TRDN: variants seen among roughly 807,000 people sequenced by gnomAD.
TRDN encodes the protein triadin in skeletal muscle.
A neutral mutation model predicts 149.7 loss-of-function variants in TRDN; 161 were observed. The ratio of observed to expected loss-of-function variants is 1.08; its 90% confidence interval spans 0.95 to 1.23. The LOEUF is 1.23. Ranked by LOEUF, TRDN falls within the 50% of genes most tolerant of loss-of-function variation. The pLI is 0.00. For missense variants in TRDN, 896 were observed against 823.5 expected, an observed-to-expected ratio of 1.09 and a Z score of -1.08; for synonymous variants, 294 against 250.5, an observed-to-expected ratio of 1.17 and a Z score of -1.64.
chr6:123,557,699 G>T (rs1423338922), intron 2 of TRDN, among the ~76,000 whole-genome samples: 1 of 152,082 alleles, frequency 6.6e-6, no homozygotes, highest in East Asian at 2.0e-4. Context: ...CGCCTGTCTT[G>T]GTCCTTCACC....
At chr6:123,280,607 G>A (rs1777546007) in intron 24 of TRDN, among the ~76,000 whole-genome samples, 1 of 147,032 alleles carries the variant, frequency 6.8e-6, no homozygotes, top group Admixed American at 6.8e-5. Context: ...CATCATCAGG[G>A]TTTAGTCCCC....
intron 5 of TRDN, chr6:123,528,609 C>G: frequency 1.0e-6 from 1 of 981,798 alleles, no homozygotes; most frequent in Non-Finnish European, 1.2e-6. Flanking sequence ...TCCTAACTAT[C>G]CATCACATAC....
chr6:123,539,893 T>C (rs1164859496), intron 4 of TRDN, among the ~76,000 whole-genome samples: 1 of 152,234 alleles, frequency 6.6e-6, no homozygotes, highest in African/African-American at 2.4e-5. Context: ...TCACTCTGAT[T>C]GTGAGTTAGA....
At chr6:123,249,592 T>C (rs1330796740) in intron 38 of TRDN, among the ~76,000 whole-genome samples, 3 of 152,114 alleles carry the variant, frequency 2.0e-5, no homozygotes, top group Non-Finnish European at 4.4e-5. Flanking sequence ...CAGAATACTA[T>C]GAAGCCATAA....
chr6:123,583,971 G>C, intron 1 of TRDN: 1 of 236,168 alleles, frequency 4.2e-6, no homozygotes, highest in Admixed American at 4.6e-5. Flanking sequence ...TCAAAGAGGC[G>C]GGATAGTGGC....
rs1778073707 is a variant in TRDN, at chr6:123,488,617, G to C, written c.853+8576C>G. ...TAATTTTCTCCATCACATATTCTATGATCAGGCTTTATTTCCTTTCGTTGG... is the reference window on the plus strand; with the variant it reads ...TAATTTTCTCCATCACATATTCTATCATCAGGCTTTATTTCCTTTCGTTGG... On this transcript the variant is annotated intron_variant, in intron 9 of 40. Transcript: ENST00000334268. 4 of 151,784 alleles carry C rather than the reference G, an allele frequency of 2.6e-5. No individual in the cohort carries two copies. The East Asian group carries it at 7.8e-4, about 29-fold the overall frequency. 9.4% of individuals were successfully genotyped at this position (151,784 alleles called of 1,614,324 possible).
intron 9 of TRDN, among the ~76,000 whole-genome samples, chr6:123,481,677 T>C (rs1010163334): frequency 6.6e-6 from 1 of 152,140 alleles, no homozygotes; most frequent in African/African-American, 2.4e-5. Context: ...ACGTGTTACA[T>C]CTACTTTTAT....
In TRDN at chr6:123,282,400, T is replaced by C. The variant is rs746488424; in HGVS notation, c.1511-3318A>G. Among the ~76,000 whole-genome samples, 9 of 152,118 alleles carry C rather than the reference T, an allele frequency of 5.9e-5. No homozygotes were observed. In the East Asian group the frequency reaches 1.7e-3, roughly 29 times the overall value. On this transcript the variant is annotated intron_variant, in intron 24 of 40. Coordinates refer to ENST00000334268, the MANE Select transcript of TRDN (RefSeq NM_006073.4). ...TAATCAACAGTGATCAACAGTGAAATAATATCATTTAATAATCTTTCTGAT... is the reference window on the plus strand; with the variant it reads ...TAATCAACAGTGATCAACAGTGAAACAATATCATTTAATAATCTTTCTGAT...
chr6:123,560,579 G>T (rs1019714506), intron 2 of TRDN, among the ~76,000 whole-genome samples: 1 of 152,142 alleles, frequency 6.6e-6, no homozygotes, highest in Non-Finnish European at 1.5e-5. Context: ...GCCATCAAAA[G>T]GGCTCAGATC....
rs1236234372 is a variant in TRDN, at chr6:123,522,522, T to TTA, written c.485-6317_485-6316insTA. ...ATTGTGGGGGTGCGGTTCCTCTTTTTTTTTTTTTTTTTTTTTTGCATTTTC... is the reference window on the plus strand; with the variant it reads ...ATTGTGGGGGTGCGGTTCCTCTTTTTTATTTTTTTTTTTTTTTTTGCATTTTC... On this transcript the variant is annotated intron_variant, in intron 5 of 40. Coordinates refer to ENST00000334268, the MANE Select transcript of TRDN (RefSeq NM_006073.4). Among the ~76,000 whole-genome samples the TTA allele has an allele frequency of 5.4e-5, 8 of 146,804 alleles. 1 individual carries two copies. Among genetic ancestry groups the TTA allele is most frequent in the Non-Finnish European group, 1.2e-4 (8 of 66,802 alleles).
chr6:123,297,754 G>A (rs746136946), intron 24 of TRDN, among the ~76,000 whole-genome samples: 1 of 152,064 alleles, frequency 6.6e-6, no homozygotes, highest in Middle Eastern at 3.4e-3. Flanking sequence ...AATTTCTCTT[G>A]AAAATATGGA....
In TRDN at chr6:123,485,752, A is replaced by AT. The variant is rs141712534; in HGVS notation, c.853+11440dup. 3.4e-3 allele frequency among the ~76,000 whole-genome samples: 519 copies of AT among 152,228 alleles called. 25 individuals carry two copies. The East Asian group carries it at 0.092, about 27-fold the overall frequency. Reference sequence around the variant, plus strand: ...TACATTAACCCTATAAAGTTATCTCATTTTATAGATGAGGAAAGAGGCTCA... The same window carrying AT: ...TACATTAACCCTATAAAGTTATCTCATTTTTATAGATGAGGAAAGAGGCTCA... On this transcript the variant is annotated intron_variant, in intron 9 of 40. Transcript: ENST00000334268.
chr6:123,370,980 T>A (rs1412412757), intron 19 of TRDN, among the ~76,000 whole-genome samples: 1 of 151,642 alleles, frequency 6.6e-6, no homozygotes, highest in Non-Finnish European at 1.5e-5. Flanking sequence ...TATTTAAATA[T>A]ATTACAAGTA....
At position 123,351,961 on chromosome 6, in the gene TRDN, A is replaced by G. The variant is rs543346105; in HGVS notation, c.1369+578T>C. 95 of 971,392 alleles carry G rather than the reference A, an allele frequency of 9.8e-5. No homozygotes were observed. In the African/African-American group the frequency reaches 1.5e-3, roughly 16 times the overall value. The allele number at this position is 971,392 out of a possible 1,614,324, so 60.2% of individuals were successfully genotyped here. On this transcript the variant is annotated intron_variant, in intron 21 of 40. Transcript: ENST00000334268. ...GTCTGGAGTGATCTATTTATGATAT[A>G]ACTACATAAATACAAATAAAATGCA...
intron 9 of TRDN, among the ~76,000 whole-genome samples, chr6:123,486,117 G>A (rs956829880): frequency 2.0e-5 from 3 of 152,064 alleles, no homozygotes; most frequent in African/African-American, 7.2e-5. Context: ...AGTTCCAACA[G>A]AGGCATAAGA....
At chr6:123,445,565 A>T (rs1775277709) in intron 10 of TRDN, among the ~76,000 whole-genome samples, 1 of 89,280 alleles carries the variant, frequency 1.1e-5, no homozygotes, top group Non-Finnish European at 2.1e-5. Context: ...CCCATCAAAA[A>T]GTGGGCAAAG....
intron 21 of TRDN, among the ~76,000 whole-genome samples, chr6:123,339,461 G>A (rs779014128): frequency 4.6e-5 from 7 of 152,162 alleles, no homozygotes; most frequent in Non-Finnish European, 1.0e-4. Context: ...TGTTTTGAAA[G>A]TATTGTGTTT....
At chr6:123,569,353 T>C (rs1007641634) in intron 2 of TRDN, among the ~76,000 whole-genome samples, 1 of 152,180 alleles carries the variant, frequency 6.6e-6, no homozygotes, top group African/African-American at 2.4e-5. Context: ...GTTTCAATCT[T>C]TCCTTCCTCT....
intron 21 of TRDN, among the ~76,000 whole-genome samples, chr6:123,344,553 T>C (rs1216581513): frequency 6.6e-6 from 1 of 151,990 alleles, no homozygotes; most frequent in Non-Finnish European, 1.5e-5. Flanking sequence ...CATTGGCATA[T>C]TTCACTTAGA....
Sources: gnomAD v4.1 joint callset for allele counts (sites outside exome capture counted in the v4.1 genomes callset) on GRCh38, gnomAD v4.1.1 for gene constraint, MANE v1.5 for transcripts, NCBI Gene and HGNC (gene_info 2026-07-23, HGNC 2026-07-21) for gene names.